UTP15: variants seen among roughly 807,000 people sequenced by gnomAD.
UTP15 encodes the protein U3 small nucleolar RNA-associated protein 15 homolog.
UTP15 carries 5 observed loss-of-function variants against 59.1 expected under a neutral mutation model. That is an observed-to-expected ratio of 0.08 (90% confidence interval 0.04 to 0.18). The LOEUF (loss-of-function observed/expected upper bound fraction) is 0.18. UTP15 is among the 10% of genes least tolerant of loss of function. UTP15 has a pLI of 1.00. For missense variants in UTP15, 494 were observed against 616.7 expected (o/e 0.80, Z 2.11); for synonymous variants, 211 against 212.2 (o/e 0.99, Z 0.05).
rs1299584034 is a variant in UTP15 at position 73,582,796 on chromosome 5, T to G, written c.*2702T>G. 3 of 152,224 alleles carry G rather than the reference T, an allele frequency of 2.0e-5. No individual in the cohort carries two copies. In the South Asian group the frequency reaches 6.2e-4, roughly 31 times the overall value. The allele number at this position is 152,224 out of a possible 1,614,324, so 9.4% of individuals were successfully genotyped here. On this transcript the variant is annotated 3_prime_UTR_variant, in exon 13 of 13. Transcript: ENST00000296792. Reference sequence around the variant, plus strand: ...TGACACTGGCCTTAAGATTCTAATTTAAAATGCTTAACAGACTTTTAGACT... The same window carrying G: ...TGACACTGGCCTTAAGATTCTAATTGAAAATGCTTAACAGACTTTTAGACT...
chr5:73,575,245 T>C (rs962028333), intron 7 of UTP15, among the ~76,000 whole-genome samples: 12 of 152,370 alleles, frequency 7.9e-5, no homozygotes, highest in Admixed American at 6.5e-4. Flanking sequence ...ATCATGTTAC[T>C]CGGCAATTTG....
Position 73,572,437 on chromosome 5 carries a change from T to TCTGA in UTP15, c.674-52_674-51insCTGA, listed in dbSNP as rs1747957781. ...AGAAGAATGCTTTTCAGATCTTTAA[T>TCTGA]ATGTTGAATCTGTGGGCAGAATATC... On this transcript the variant is annotated intron_variant, in intron 6 of 12. Transcript: ENST00000296792. The TCTGA allele has an allele frequency of 5.6e-6, 9 of 1,600,582 alleles. No homozygotes were observed. The South Asian group carries it at 1.0e-4, about 18-fold the overall frequency.
chr5:73,578,113 CT>C (rs2112057742), intron 9 of UTP15, 108 bp downstream of exon 9: 1 of 1,163,264 alleles, frequency 8.6e-7, no homozygotes, highest in African/African-American at 1.6e-5. Flanking sequence ...CTTTATTTTG[CT>C]TTTCTCTACA....
Position 73,577,971 on chromosome 5 carries a change from C to T in UTP15, c.1010C>T (p.Thr337Ile). 2 of 1,579,880 alleles carry T rather than the reference C, an allele frequency of 1.3e-6. No homozygotes were observed. The highest frequency in any genetic ancestry group is 1.7e-6 in the Non-Finnish European group (2 of 1,170,516). Residue 337 changes from threonine to isoleucine, a missense_variant, in exon 9 of 13, where the codon ACC becomes ATC. Thr to Ile is a moderately conservative substitution (Grantham distance 89, BLOSUM62 -1). Transcript: ENST00000296792. ...LPRRRRPAYR[T>I]FIKGKNYMKQ... Reference sequence around the variant, plus strand: ...AGAAGAAGAAGGCCTGCATATCGAACCTTTATTAAAGGAAAAAATTACATG... The same window carrying T: ...AGAAGAAGAAGGCCTGCATATCGAATCTTTATTAAAGGAAAAAATTACATG...
At chr5:73,565,961 C>G (rs1447653172) in intron 1 of UTP15, 49 bp downstream of exon 1, 2 of 449,172 alleles carry the variant, frequency 4.5e-6, no homozygotes, top group African/African-American at 4.0e-5. Flanking sequence ...CACACCCGGC[C>G]TTCCTGTGTT....
At chr5:73,577,611 T>C (rs1221153809) in intron 8 of UTP15, among the ~76,000 whole-genome samples, 2 of 152,230 alleles carry the variant, frequency 1.3e-5, no homozygotes, top group African/African-American at 2.4e-5. Context: ...AACTATGTAT[T>C]ATACAAACTT....
Position 73,580,219 on chromosome 5 carries a change from A to G in UTP15, c.*125A>G. The G allele has an allele frequency of 1.4e-6, 1 of 717,696 alleles. No individual in the cohort carries two copies. Among genetic ancestry groups the G allele is most frequent in the Non-Finnish European group, 2.2e-6 (1 of 460,394 alleles). 44.5% of individuals were successfully genotyped at this position (717,696 alleles called of 1,614,324 possible). A position where few individuals can be genotyped will look rare whatever the true frequency, so the allele number is the denominator to read the frequency against. ...TTGCAGAAGCAGTTCTGTGGAAGAG[A>G]CTGGAATAATTATGGCCGGAAAACA... On this transcript the variant is annotated 3_prime_UTR_variant, in exon 13 of 13. Transcript: ENST00000296792.
intron 7 of UTP15, among the ~76,000 whole-genome samples, chr5:73,575,097 T>A (rs903458155): frequency 1.3e-5 from 2 of 152,366 alleles, no homozygotes; most frequent in Admixed American, 6.5e-5. Flanking sequence ...ATATTTTCAA[T>A]CCATGGTTGG....
chr5:73,569,430 T>G, intron 4 of UTP15, 67 bp from the exon 5 acceptor site: 1 of 1,253,260 alleles, frequency 8.0e-7, no homozygotes, highest in South Asian at 1.9e-5. Flanking sequence ...AAAGGAGCAT[T>G]TTATGTTAGA....
rs1478413798 is a variant in UTP15 at position 73,580,890 on chromosome 5, A to C, written c.*796A>C. 1.3e-5 allele frequency: 2 copies of C among 152,120 alleles called. No homozygotes were observed. The highest frequency in any genetic ancestry group is 2.9e-5 in the Non-Finnish European group (2 of 68,032). The allele number at this position is 152,120 out of a possible 1,614,324, so 9.4% of individuals were successfully genotyped here. On this transcript the variant is annotated 3_prime_UTR_variant, in exon 13 of 13. Transcript: ENST00000296792. ...TTCATATGTTTCAAGCTAATCTTGT[A>C]GCTAAGCTACCTAATCCTCTGAAAA... is the stretch of plus-strand genomic sequence containing the variant.
chr5:73,573,696 C>T (rs1039632680), intron 7 of UTP15, among the ~76,000 whole-genome samples: 8 of 150,706 alleles, frequency 5.3e-5, no homozygotes, highest in African/African-American at 2.0e-4. Context: ...GCCTCAGCTT[C>T]CTGAGTGGCT....
chr5:73,578,722 C>T, intron 9 of UTP15, 29 bp from the exon 10 acceptor site: 1 of 1,590,406 alleles, frequency 6.3e-7, no homozygotes, highest in Non-Finnish European at 8.6e-7. Flanking sequence ...GCTGATTTTC[C>T]TTCTCTATAA....
rs1172840711 is a variant in UTP15 at position 73,583,233 on chromosome 5, AT to A, written c.*3140del. 1 of 152,356 alleles carries A rather than the reference AT, an allele frequency of 6.6e-6. No individual in the cohort carries two copies. Among genetic ancestry groups the A allele is most frequent in the East Asian group, 1.9e-4 (1 of 5,192 alleles). The allele number at this position is 152,356 out of a possible 1,614,324, so 9.4% of individuals were successfully genotyped here. ...AAGCAGGGATTTGTAATTGGGATTTATAATGAAATTCCTGATCTGGGAAAAT... is the reference window on the plus strand; with the variant it reads ...AAGCAGGGATTTGTAATTGGGATTTAAATGAAATTCCTGATCTGGGAAAAT... On this transcript the variant is annotated 3_prime_UTR_variant, in exon 13 of 13. Coordinates refer to ENST00000296792, the MANE Select transcript of UTP15 (RefSeq NM_032175.4).
chr5:73,577,050 C>T lies in UTP15; in HGVS notation c.894+14C>T. 1 of 1,583,396 alleles carries T rather than the reference C, an allele frequency of 6.3e-7. No individual in the cohort carries two copies. ...CTTGCCCTTGCAGTAAGTACCTTTACCTATTTTTAAGTCTGTCACTAACCC... is the reference window on the plus strand; with the variant it reads ...CTTGCCCTTGCAGTAAGTACCTTTATCTATTTTTAAGTCTGTCACTAACCC... On this transcript the variant is annotated intron_variant, in intron 8 of 12. Transcript: ENST00000296792.
In UTP15 at chr5:73,569,646, G is replaced by C. The variant is rs1409216734; in HGVS notation, c.518G>C (p.Ser173Thr). The C allele has an allele frequency of 2.5e-6, 4 of 1,611,232 alleles. No individual in the cohort carries two copies. The African/African-American group carries it at 5.4e-5, about 22-fold the overall frequency. ...HSDYVRCGCASKLNPDLFITG... is the reference protein window; with the variant it reads ...HSDYVRCGCATKLNPDLFITG... The stretch of plus-strand genomic sequence containing the variant: ...GATTATGTGAGGTGTGGATGTGCTA[G>C]CAAACTTAATCCGGATCTCTTTATA... Residue 173 changes from serine (S) to threonine (T), a missense_variant, in exon 5 of 13, where the codon AGC becomes ACC. Physicochemically the swap from Ser to Thr is moderately conservative, Grantham distance 58 (BLOSUM62 1). Coordinates refer to ENST00000296792, the MANE Select transcript of UTP15 (RefSeq NM_032175.4).
chr5:73,579,847 A>G, intron 12 of UTP15, 30 bp from the exon 13 acceptor site: 2 of 1,468,188 alleles, frequency 1.4e-6, no homozygotes, highest in African/African-American at 1.4e-5. Flanking sequence ...AGATATTGCT[A>G]GTTAATGTGT....
chr5:73,579,427 T>G (rs1396455224), intron 12 of UTP15, 52 bp downstream of exon 12: 1 of 1,359,596 alleles, frequency 7.4e-7, no homozygotes, highest in Admixed American at 2.2e-5. Context: ...AAAGTAGAGA[T>G]GTCAAATAAT....
chr5:73,571,386 A>G (rs191976235), intron 6 of UTP15, among the ~76,000 whole-genome samples: 3 of 152,062 alleles, frequency 2.0e-5, no homozygotes, highest in Admixed American at 1.3e-4. Flanking sequence ...ACATTTTTCA[A>G]CAAGTTGGGA....
intron 7 of UTP15, among the ~76,000 whole-genome samples, chr5:73,573,177 A>C (rs1747992128): frequency 6.6e-6 from 1 of 152,058 alleles, no homozygotes; most frequent in Non-Finnish European, 1.5e-5. Flanking sequence ...CATTTGAATG[A>C]TAATCTTTCA....
Sources: gnomAD v4.1 joint callset for allele counts (sites outside exome capture counted in the v4.1 genomes callset) on GRCh38, gnomAD v4.1.1 for gene constraint, MANE v1.5 for transcripts, NCBI Gene and HGNC (gene_info 2026-07-23, HGNC 2026-07-21) for gene names.